C1orf87: variants seen among roughly 807,000 people sequenced by gnomAD.
The protein encoded by C1orf87 is chromosome 1 open reading frame 87, also known as uncharacterized protein C1orf87.
C1orf87 carries 58 observed loss-of-function variants against 60.5 expected under a neutral mutation model. The ratio of observed to expected loss-of-function variants is 0.96; its 90% CI spans 0.78 to 1.19. The LOEUF (loss-of-function observed/expected upper bound fraction) is 1.19, where lower values mean the gene tolerates loss of function less well. Ranked by LOEUF, C1orf87 falls within the 50% of genes most tolerant of loss-of-function variation. The pLI is 0.00. For synonymous variants in C1orf87, 236 were observed against 227.4 expected (o/e 1.04, Z -0.34); for missense variants, 673 against 638.6 (o/e 1.05, Z -0.58).
In C1orf87 at chr1:60,057,173, G is replaced by A. The variant is rs181560050; in HGVS notation, c.108-1735C>T. 2.0e-5 allele frequency among the ~76,000 whole-genome samples: 3 copies of A among 152,274 alleles called. No homozygotes were observed. In the East Asian group the frequency reaches 5.8e-4, roughly 29 times the overall value. ...GGAAGACTTCGTAGAAAAGCAAGAG[G>A]ATGTCTCCAGAGAGAGGACAACAGT... On this transcript the variant is annotated intron_variant, in intron 2 of 11. Transcript: ENST00000371201.
intron 7 of C1orf87, among the ~76,000 whole-genome samples, 154 bp downstream of exon 7, chr1:60,033,322 G>A (rs1387032072): frequency 3.3e-5 from 5 of 152,008 alleles, no homozygotes; most frequent in African/African-American, 1.2e-4. Context: ...TTCCTTTTCT[G>A]CCTTGTTTTT....
At chr1:59,999,764 A>G (rs931536617) in intron 10 of C1orf87, among the ~76,000 whole-genome samples, 1 of 152,040 alleles carries the variant, frequency 6.6e-6, no homozygotes, top group Non-Finnish European at 1.5e-5. Flanking sequence ...CTATATACAT[A>G]TCTTCTTCTT....
intron 9 of C1orf87, 46 bp from the exon 10 acceptor site, chr1:60,001,202 C>T (rs1242519915): frequency 2.9e-6 from 4 of 1,361,408 alleles, no homozygotes; most frequent in Non-Finnish European, 4.0e-6. Flanking sequence ...AGCTTGGTCT[C>T]TTCATTTAAC....
intron 2 of C1orf87, among the ~76,000 whole-genome samples, chr1:60,062,789 T>A (rs554339666): frequency 3.3e-5 from 5 of 152,306 alleles, no homozygotes; most frequent in Non-Finnish European, 7.4e-5. Context: ...ATTATATTTT[T>A]TAAACTATAT....
At chr1:59,999,943 A>G (rs373451785) in intron 10 of C1orf87, among the ~76,000 whole-genome samples, 60 of 152,274 alleles carry the variant, frequency 3.9e-4, no homozygotes, top group South Asian at 2.5e-3. Flanking sequence ...CGCCTTCCCC[A>G]ACAGCGCCAG....
intron 9 of C1orf87, 65 bp from the exon 10 acceptor site, chr1:60,001,221 A>C: frequency 8.7e-7 from 1 of 1,146,538 alleles, no homozygotes; most frequent in Non-Finnish European, 1.2e-6. Context: ...ACACACACAT[A>C]TACACAAGGC....
intron 5 of C1orf87, among the ~76,000 whole-genome samples, 196 bp downstream of exon 5, chr1:60,039,721 A>G (rs1645304954): frequency 6.6e-6 from 1 of 152,256 alleles, no homozygotes; most frequent in Non-Finnish European, 1.5e-5. Context: ...GAAATGAAAC[A>G]GAGCGAAGAG....
rs753896250 is a variant in C1orf87, at chr1:60,033,654, GA to G, written c.864-14del. Reference sequence around the variant, plus strand: ...CTGAGGTGGAGTGCTGATTGTAGGGGAAATGGGGAAGGCTATGAAAAGGTTA... The same window carrying G: ...CTGAGGTGGAGTGCTGATTGTAGGGGAATGGGGAAGGCTATGAAAAGGTTA... On this transcript the variant is annotated splice_polypyrimidine_tract_variant and intron_variant, in intron 6 of 11. Coordinates refer to ENST00000371201, the MANE Select transcript of C1orf87 (RefSeq NM_152377.3). 12 of 1,607,468 alleles carry G rather than the reference GA, an allele frequency of 7.5e-6. No individual in the cohort carries two copies. In the South Asian group the frequency reaches 1.2e-4, roughly 17 times the overall value.
intron 9 of C1orf87, among the ~76,000 whole-genome samples, chr1:60,006,058 G>A (rs1645043015): frequency 1.3e-5 from 2 of 151,960 alleles, no homozygotes; most frequent in Non-Finnish European, 2.9e-5. Context: ...AGAAATACTT[G>A]CTACAGTTTC....
At position 60,033,698 on chromosome 1, in the gene C1orf87, CAT is replaced by C. The variant is rs1574311959; in HGVS notation, c.864-59_864-58del. On this transcript the variant is annotated intron_variant, in intron 6 of 11. Coordinates refer to ENST00000371201, the MANE Select transcript of C1orf87 (RefSeq NM_152377.3). ...AAAGGTTATCCACCCAAGGCAGCTG[CAT>C]GCTTTCCTACTACATTTCTCAACTT... 3.6e-5 allele frequency: 56 copies of C among 1,548,972 alleles called. No individual in the cohort carries two copies. The East Asian group carries it at 1.2e-3, about 34-fold the overall frequency.
At chr1:60,010,284 G>T in intron 9 of C1orf87, 108 bp downstream of exon 9, 3 of 992,336 alleles carry the variant, frequency 3.0e-6, no homozygotes, top group Admixed American at 2.1e-5. Context: ...ATTTCTGAGA[G>T]AAATGAGATG....
Position 60,040,987 on chromosome 1 carries a change from A to C in C1orf87, c.483+4T>G. 1 of 1,599,874 alleles carries C rather than the reference A, an allele frequency of 6.3e-7. No individual in the cohort carries two copies. Among genetic ancestry groups the C allele is most frequent in the Non-Finnish European group, 8.5e-7 (1 of 1,172,306 alleles). On this transcript the variant is annotated splice_donor_region_variant and intron_variant, in intron 4 of 11. Coordinates refer to ENST00000371201, the MANE Select transcript of C1orf87 (RefSeq NM_152377.3). ...CACAACTCAACAACTCTTAGTATACACACCTCAGGTTGGTCAGAGCTGCCT... is the reference window on the plus strand; with the variant it reads ...CACAACTCAACAACTCTTAGTATACCCACCTCAGGTTGGTCAGAGCTGCCT...
At chr1:60,056,590 TA>T (rs1408299420) in intron 2 of C1orf87, among the ~76,000 whole-genome samples, 1 of 152,220 alleles carries the variant, frequency 6.6e-6, no homozygotes, top group Non-Finnish European at 1.5e-5. Flanking sequence ...CTCAACTGTG[TA>T]AAAGGCATGT....
intron 2 of C1orf87, among the ~76,000 whole-genome samples, chr1:60,064,190 G>T (rs913408573): frequency 1.5e-5 from 2 of 137,914 alleles, no homozygotes; most frequent in African/African-American, 5.3e-5. Context: ...CCTTGTGATG[G>T]CCTATTGTGG....
chr1:59,992,521 C>T (rs1286735100), intron 11 of C1orf87, among the ~76,000 whole-genome samples: 1 of 152,118 alleles, frequency 6.6e-6, no homozygotes, highest in African/African-American at 2.4e-5. Context: ...TTTCAAAGTG[C>T]TGGGATTATA....
At chr1:59,996,868 C>T (rs908036021) in intron 11 of C1orf87, among the ~76,000 whole-genome samples, 2 of 151,894 alleles carry the variant, frequency 1.3e-5, no homozygotes, top group Admixed American at 6.6e-5. Context: ...GTGCAAGGTG[C>T]CAGGGATAAA....
At chr1:60,033,160 G>C (rs1645251348) in intron 7 of C1orf87, among the ~76,000 whole-genome samples, 1 of 152,216 alleles carries the variant, frequency 6.6e-6, no homozygotes, top group Admixed American at 6.5e-5. Context: ...AGCCAGGAAA[G>C]AGTGTGAGAA....
intron 8 of C1orf87, among the ~76,000 whole-genome samples, chr1:60,018,609 C>A (rs1464222822): frequency 2.0e-5 from 3 of 152,078 alleles, no homozygotes; most frequent in Non-Finnish European, 4.4e-5. Flanking sequence ...TAGATTGGTG[C>A]CTTTTTGGTA....
intron 11 of C1orf87, among the ~76,000 whole-genome samples, chr1:59,993,282 AAG>A (rs1456023095): frequency 6.6e-6 from 1 of 152,124 alleles, no homozygotes; most frequent in African/African-American, 2.4e-5. Flanking sequence ...AGAGGAAAGA[AAG>A]AGGGAAAGAA....
Sources: gnomAD v4.1 joint callset for allele counts (sites outside exome capture counted in the v4.1 genomes callset) on GRCh38, gnomAD v4.1.1 for gene constraint, MANE v1.5 for transcripts, NCBI Gene and HGNC (gene_info 2026-07-23, HGNC 2026-07-21) for gene names.